Variants in EPHA6 observed in about 807,000 individuals in gnomAD.
EPHA6 encodes the protein EPH receptor A6.
EPHA6 carries 50 observed loss-of-function variants against 112.0 expected under a neutral mutation model. The observed-to-expected ratio is 0.45, with a 90% CI of 0.36 to 0.56. The LOEUF (loss-of-function observed/expected upper bound fraction) is 0.56. Ranked by LOEUF, EPHA6 falls within the 20% of genes least tolerant of loss-of-function variation. The pLI is 0.00. For synonymous variants in EPHA6, 529 were observed against 490.7 expected (o/e 1.08, Z -1.03); for missense variants, 1,280 against 1,417.4 (o/e 0.90, Z 1.56).
At chr3:97,393,926 A>T (rs1200790013) in intron 5 of EPHA6, among the ~76,000 whole-genome samples, 1 of 151,814 alleles carries the variant, frequency 6.6e-6, no homozygotes, top group East Asian at 1.9e-4. Context: ...ATGGGTGAGT[A>T]GTGTATCATT....
At position 97,727,911 on chromosome 3, in the gene EPHA6, G is replaced by A. The variant is rs370719839; in HGVS notation, c.2934+7501G>A. On this transcript the variant is annotated intron_variant, in intron 15 of 17. Coordinates refer to ENST00000389672, the MANE Select transcript of EPHA6 (RefSeq NM_001080448.3). Reference sequence around the variant, plus strand: ...AATAAGTTTCAAGGAGAAGAAACCAGTAAACAATGCGGTACTACCACAGTA... The same window carrying A: ...AATAAGTTTCAAGGAGAAGAAACCAATAAACAATGCGGTACTACCACAGTA... Among the ~76,000 whole-genome samples, 14 of 152,064 alleles carry A rather than the reference G, an allele frequency of 9.2e-5. No individual in the cohort carries two copies. In the South Asian group the frequency reaches 2.7e-3, roughly 29 times the overall value.
chr3:96,891,589 A>T (rs1439546910), intron 2 of EPHA6, among the ~76,000 whole-genome samples: 1 of 152,056 alleles, frequency 6.6e-6, no homozygotes, highest in Non-Finnish European at 1.5e-5. Flanking sequence ...GGTTCCTGTA[A>T]TCCCAGCTAC....
chr3:97,487,826 C>T (rs1413890310), intron 10 of EPHA6, among the ~76,000 whole-genome samples: 1 of 152,100 alleles, frequency 6.6e-6, no homozygotes, highest in African/African-American at 2.4e-5. Flanking sequence ...TCATCTATCT[C>T]CTTTGGCTTT....
chr3:97,186,728 GT>G (rs1331072751), intron 3 of EPHA6, among the ~76,000 whole-genome samples: 1 of 151,880 alleles, frequency 6.6e-6, no homozygotes, highest in Admixed American at 6.6e-5. Context: ...ATTCATTTTT[GT>G]TTTCCTTTGA....
intron 5 of EPHA6, among the ~76,000 whole-genome samples, chr3:97,383,176 A>G (rs1337125082): frequency 6.6e-6 from 1 of 152,118 alleles, no homozygotes; most frequent in Non-Finnish European, 1.5e-5. Flanking sequence ...TAAGCTGTGG[A>G]CTTACTAATA....
chr3:97,337,720 C>T (rs1240792489), intron 5 of EPHA6, among the ~76,000 whole-genome samples: 2 of 152,032 alleles, frequency 1.3e-5, no homozygotes, highest in African/African-American at 4.8e-5. Flanking sequence ...CCATCAGCCC[C>T]GAAAGCTGTA....
chr3:97,371,823 T>C (rs921630405), intron 5 of EPHA6, among the ~76,000 whole-genome samples: 1 of 152,136 alleles, frequency 6.6e-6, no homozygotes, highest in Non-Finnish European at 1.5e-5. Context: ...CTAAAGTGGC[T>C]GCTCTGGGGA....
chr3:97,085,948 T>TATATATATATATATATACAC (rs984404779), intron 3 of EPHA6, among the ~76,000 whole-genome samples: 3 of 145,170 alleles, frequency 2.1e-5, no homozygotes, highest in Middle Eastern at 3.5e-3. Context: ...TATATATATA[T>TATATATATATATATATACAC]ACACACTGAG....
Position 97,101,116 on chromosome 3 carries a change from T to G in EPHA6, c.1114+113123T>G, listed in dbSNP as rs527916571. Among the ~76,000 whole-genome samples the G allele has an allele frequency of 4.3e-4, 65 of 152,044 alleles. 1 individual carries two copies. Among genetic ancestry groups the G allele is most frequent in the Non-Finnish European group, 5.1e-4 (35 of 67,976 alleles). On this transcript the variant is annotated intron_variant, in intron 3 of 17. Transcript: ENST00000389672. ...ACTGTGGTGAGTAAATTATCATAACTATATTTTTGGTCAATTCAAGCTTTT... is the reference window on the plus strand; with the variant it reads ...ACTGTGGTGAGTAAATTATCATAACGATATTTTTGGTCAATTCAAGCTTTT...
intron 3 of EPHA6, among the ~76,000 whole-genome samples, chr3:96,991,549 A>G (rs2107862217): frequency 6.6e-6 from 1 of 152,262 alleles, no homozygotes. Flanking sequence ...ATCCGAGGAG[A>G]TAGCACAAGA....
chr3:97,363,946 A>G (rs1016816724), intron 5 of EPHA6, among the ~76,000 whole-genome samples: 1 of 152,122 alleles, frequency 6.6e-6, no homozygotes, highest in African/African-American at 2.4e-5. Flanking sequence ...TGATGTACCT[A>G]GAATAGTCAA....
At chr3:97,012,763 A>AT (rs1380471473) in intron 3 of EPHA6, among the ~76,000 whole-genome samples, 3 of 150,986 alleles carry the variant, frequency 2.0e-5, no homozygotes, top group East Asian at 1.9e-4. Context: ...TGGACTTACT[A>AT]TTTTTTTGAC....
intron 10 of EPHA6, among the ~76,000 whole-genome samples, chr3:97,496,819 A>T (rs2107540756): frequency 6.6e-6 from 1 of 152,282 alleles, no homozygotes; most frequent in South Asian, 2.1e-4. Context: ...ACACACAAAA[A>T]AAAAACCAAC....
chr3:97,382,255 A>G (rs1057021008), intron 5 of EPHA6, among the ~76,000 whole-genome samples: 1 of 152,066 alleles, frequency 6.6e-6, no homozygotes, highest in African/African-American at 2.4e-5. Context: ...CAGATAAAAT[A>G]TTCATGAATT....
intron 11 of EPHA6, among the ~76,000 whole-genome samples, chr3:97,547,824 C>A (rs914377089): frequency 1.3e-5 from 2 of 152,194 alleles, no homozygotes; most frequent in African/African-American, 4.8e-5. Context: ...GACTGCTGTG[C>A]TAGCAATGAG....
intron 1 of EPHA6, among the ~76,000 whole-genome samples, chr3:96,850,316 C>T (rs934396890): frequency 6.6e-6 from 1 of 151,964 alleles, no homozygotes; most frequent in African/African-American, 2.4e-5. Context: ...CTGGACTGCA[C>T]CAGGAGATAG....
intron 2 of EPHA6, among the ~76,000 whole-genome samples, chr3:96,891,554 C>T (rs2037964152): frequency 6.6e-6 from 1 of 151,812 alleles, no homozygotes; most frequent in Non-Finnish European, 1.5e-5. Flanking sequence ...ACTAAAAATA[C>T]AAAAATTATC....
chr3:97,268,056 A>G (rs994660575), intron 5 of EPHA6, among the ~76,000 whole-genome samples: 1 of 152,180 alleles, frequency 6.6e-6, no homozygotes, highest in African/African-American at 2.4e-5. Flanking sequence ...GGATCTTTCT[A>G]TATATCTGAT....
At chr3:97,217,818 G>A (rs1431171724) in intron 3 of EPHA6, among the ~76,000 whole-genome samples, 1 of 152,144 alleles carries the variant, frequency 6.6e-6, no homozygotes, top group Non-Finnish European at 1.5e-5. Flanking sequence ...ATAGATGTGA[G>A]TCCATCTCTG....
Sources: gnomAD v4.1 joint callset for allele counts (sites outside exome capture counted in the v4.1 genomes callset) on GRCh38, gnomAD v4.1.1 for gene constraint, MANE v1.5 for transcripts, NCBI Gene and HGNC (gene_info 2026-07-23, HGNC 2026-07-21) for gene names.